TMC1: variants seen among roughly 807,000 people sequenced by gnomAD.
TMC1 encodes the protein transmembrane channel-like protein 1.
Under a neutral mutation model 105.8 loss-of-function variants are expected in TMC1, and 84 were observed. That is an observed-to-expected ratio of 0.79 (90% CI 0.67 to 0.95). TMC1 has a LOEUF of 0.95. Ranked by LOEUF, TMC1 falls within the 40% of genes least tolerant of loss-of-function variation. The pLI is 0.00. For missense variants in TMC1, 817 were observed against 914.1 expected, an observed-to-expected ratio of 0.89 and a Z score of 1.37; for synonymous variants, 315 against 311.5, an observed-to-expected ratio of 1.01 and a Z score of -0.12.
At chr9:72,540,893 C>T (rs1193905452) in intron 1 of TMC1, among the ~76,000 whole-genome samples, 1 of 152,186 alleles carries the variant, frequency 6.6e-6, no homozygotes, top group African/African-American at 2.4e-5. Context: ...AGTACCTCCT[C>T]ATAGGGATGT....
chr9:72,532,460 G>C (rs1363087015), intron 1 of TMC1, among the ~76,000 whole-genome samples: 1 of 144,990 alleles, frequency 6.9e-6, no homozygotes, highest in Non-Finnish European at 1.5e-5. Flanking sequence ...AGAATCGCTT[G>C]AATCTGGGAG....
intron 4 of TMC1, among the ~76,000 whole-genome samples, chr9:72,640,772 C>A (rs1175495699): frequency 1.3e-5 from 2 of 151,766 alleles, no homozygotes; most frequent in Non-Finnish European, 2.9e-5. Flanking sequence ...GCTGGGACTA[C>A]AGGCGCCCGC....
intron 5 of TMC1, among the ~76,000 whole-genome samples, chr9:72,658,883 G>A (rs1167245770): frequency 1.3e-5 from 2 of 152,182 alleles, no homozygotes; most frequent in Non-Finnish European, 1.5e-5. Context: ...AGGGAAAAAG[G>A]GAGTGGTTCT....
chr9:72,713,460 G>A (rs369341969), intron 8 of TMC1, among the ~76,000 whole-genome samples: 12 of 152,234 alleles, frequency 7.9e-5, no homozygotes, highest in African/African-American at 2.4e-4. Flanking sequence ...ACTTGTTATT[G>A]GTCTAGTCAG....
chr9:72,539,359 T>C (rs890973168), intron 1 of TMC1, among the ~76,000 whole-genome samples: 1 of 152,108 alleles, frequency 6.6e-6, no homozygotes, highest in East Asian at 1.9e-4. Context: ...TGATCCTAGA[T>C]CGTGCCACTG....
intron 1 of TMC1, among the ~76,000 whole-genome samples, chr9:72,557,067 C>A (rs528336343): frequency 6.6e-6 from 1 of 151,956 alleles, no homozygotes; most frequent in Non-Finnish European, 1.5e-5. Flanking sequence ...GGTTGAGAAA[C>A]GCTGGTCTAA....
chr9:72,821,613 G>C (rs1412330007), intron 20 of TMC1, among the ~76,000 whole-genome samples: 1 of 152,172 alleles, frequency 6.6e-6, no homozygotes, highest in African/African-American at 2.4e-5. Context: ...AATCATAAAA[G>C]AGAAAATACT....
intron 12 of TMC1, among the ~76,000 whole-genome samples, chr9:72,762,474 G>A (rs1827772290): frequency 6.6e-6 from 1 of 152,148 alleles, no homozygotes; most frequent in Non-Finnish European, 1.5e-5. Flanking sequence ...GTTTCAACAG[G>A]TTTCAAATGC....
chr9:72,620,430 T>A (rs1401145252), intron 3 of TMC1, among the ~76,000 whole-genome samples: 2 of 151,942 alleles, frequency 1.3e-5, no homozygotes, highest in Non-Finnish European at 2.9e-5. Flanking sequence ...AATTTTTTTT[T>A]TGTAGCAATG....
chr9:72,719,740 T>C (rs147665759), intron 8 of TMC1, among the ~76,000 whole-genome samples: 130 of 152,324 alleles, frequency 8.5e-4, no homozygotes, highest in African/African-American at 3.1e-3. Context: ...AGCAGTTCAT[T>C]CTGGATTATT....
At chr9:72,633,377 T>C (rs368622487) in intron 4 of TMC1, among the ~76,000 whole-genome samples, 2 of 152,210 alleles carry the variant, frequency 1.3e-5, no homozygotes, top group African/African-American at 2.4e-5. Context: ...TTTTAAATAA[T>C]GTAGCCCTCA....
intron 18 of TMC1, chr9:72,809,097 C>T (rs1007599962): frequency 1.3e-5 from 2 of 152,272 alleles, no homozygotes; most frequent in African/African-American, 4.8e-5. Context: ...TTTTCCTTAC[C>T]TGATTCAGCT....
intron 2 of TMC1, among the ~76,000 whole-genome samples, chr9:72,606,071 G>C (rs892306749): frequency 1.3e-5 from 2 of 152,054 alleles, no homozygotes; most frequent in African/African-American, 4.8e-5. Flanking sequence ...ATGAATTTGA[G>C]GGGGCACAAT....
At chr9:72,526,642 C>A (rs1823411912) in intron 1 of TMC1, among the ~76,000 whole-genome samples, 1 of 152,134 alleles carries the variant, frequency 6.6e-6, no homozygotes, top group African/African-American at 2.4e-5. Flanking sequence ...TAAATTAAAA[C>A]CCCTGTGACT....
chr9:72,592,846 A>G (rs142183585), intron 2 of TMC1, among the ~76,000 whole-genome samples: 93 of 152,292 alleles, frequency 6.1e-4, no homozygotes, highest in African/African-American at 2.2e-3. Context: ...AGGGAGAAGC[A>G]GTTACCTTTG....
chr9:72,611,197 C>T (rs985605524), intron 2 of TMC1, among the ~76,000 whole-genome samples: 8 of 152,132 alleles, frequency 5.3e-5, no homozygotes, highest in Non-Finnish European at 1.2e-4. Flanking sequence ...TTATTGGGAA[C>T]CATCATTGAT....
At chr9:72,739,657 A>G (rs948648978) in intron 8 of TMC1, among the ~76,000 whole-genome samples, 1 of 151,994 alleles carries the variant, frequency 6.6e-6, no homozygotes, top group African/African-American at 2.4e-5. Context: ...TTTTTTTTAC[A>G]GGATTAAGTA....
chr9:72,557,628 C>T (rs933130692), intron 1 of TMC1, among the ~76,000 whole-genome samples: 3 of 152,118 alleles, frequency 2.0e-5, no homozygotes, highest in Non-Finnish European at 4.4e-5. Context: ...CACATGATAC[C>T]GACTTCAGAG....
intron 5 of TMC1, among the ~76,000 whole-genome samples, chr9:72,657,786 G>T (rs1588016449): frequency 6.6e-6 from 1 of 152,116 alleles, no homozygotes; most frequent in Non-Finnish European, 1.5e-5. Context: ...AAAATTAAAA[G>T]AATCCAAGCC....
Sources: allele counts gnomAD v4.1 joint callset (sites outside exome capture counted in the v4.1 genomes callset), GRCh38; gene constraint gnomAD v4.1.1; transcripts MANE v1.5; gene names NCBI Gene and HGNC (gene_info 2026-07-23, HGNC 2026-07-21).